The following KLHL29 variants were observed in gnomAD, a reference collection of about 807,000 sequenced individuals.
KLHL29 encodes kelch like family member 29.
In KLHL29, 21 loss-of-function variants were observed where a neutral mutation model predicts 80.4. That is an observed-to-expected ratio of 0.26 (90% CI 0.19 to 0.38). The LOEUF (loss-of-function observed/expected upper bound fraction) is 0.38, where lower values mean the gene tolerates loss of function less well. Among genes scored for constraint, KLHL29 ranks in the 10% least tolerant of loss-of-function variants. The pLI, the probability that KLHL29 is intolerant of heterozygous loss-of-function variation, is 1.00. For synonymous variants in KLHL29, 511 were observed against 526.8 expected, an observed-to-expected ratio of 0.97 and a Z score of 0.41; for missense variants, 867 against 1,223.9, an observed-to-expected ratio of 0.71 and a Z score of 4.35.
intron 3 of KLHL29, among the ~76,000 whole-genome samples, chr2:23,592,163 G>A (rs1283621740): frequency 2.0e-5 from 3 of 152,390 alleles, no homozygotes; most frequent in Admixed American, 2.0e-4. Context: ...TCAGTGGTTG[G>A]TGGCCCCAGC....
At chr2:23,605,122 T>A (rs1668673364) in intron 3 of KLHL29, among the ~76,000 whole-genome samples, 1 of 146,332 alleles carries the variant, frequency 6.8e-6, no homozygotes, top group African/African-American at 2.5e-5. Context: ...TTTTTTTTTT[T>A]TTTTTTTGGA....
chr2:23,597,734 C>T (rs1043270678), intron 3 of KLHL29, among the ~76,000 whole-genome samples: 6 of 152,020 alleles, frequency 3.9e-5, no homozygotes, highest in Non-Finnish European at 8.8e-5. Context: ...CCTGTTCACC[C>T]GTCTCTAAAA....
At chr2:23,538,716 A>C (rs892093142) in intron 2 of KLHL29, among the ~76,000 whole-genome samples, 7 of 152,170 alleles carry the variant, frequency 4.6e-5, no homozygotes, top group African/African-American at 1.7e-4. Context: ...TCTATTTCAG[A>C]ATAAGAGGTT....
chr2:23,692,434 C>T (rs1368294266), intron 7 of KLHL29, among the ~76,000 whole-genome samples: 2 of 152,214 alleles, frequency 1.3e-5, no homozygotes, highest in Admixed American at 6.5e-5. Flanking sequence ...CCCGCATGGG[C>T]GACGGCAAGG....
intron 1 of KLHL29, among the ~76,000 whole-genome samples, chr2:23,471,060 A>G (rs759780311): frequency 1.3e-5 from 2 of 152,188 alleles, no homozygotes; most frequent in Non-Finnish European, 2.9e-5. Flanking sequence ...GCAGAGTCCC[A>G]TATCTGGGCT....
chr2:23,429,385 G>A (rs552507578), intron 1 of KLHL29, among the ~76,000 whole-genome samples: 2 of 152,300 alleles, frequency 1.3e-5, no homozygotes, highest in East Asian at 3.9e-4. Flanking sequence ...ACAGAGCTTT[G>A]GTTGTGGGGG....
intron 3 of KLHL29, among the ~76,000 whole-genome samples, chr2:23,590,275 A>G (rs1274214599): frequency 3.0e-5 from 3 of 100,494 alleles, no homozygotes; most frequent in Admixed American, 2.8e-4. Flanking sequence ...AGAAGCACAC[A>G]TTCTGAAGTT....
At chr2:23,538,831 G>A (rs1451260480) in intron 2 of KLHL29, among the ~76,000 whole-genome samples, 1 of 152,204 alleles carries the variant, frequency 6.6e-6, no homozygotes, top group African/African-American at 2.4e-5. Context: ...AGAACAGAAG[G>A]CATCTCTGAG....
chr2:23,386,154 C>T (rs888344848), intron 1 of KLHL29, among the ~76,000 whole-genome samples: 2 of 151,962 alleles, frequency 1.3e-5, no homozygotes, highest in Admixed American at 6.5e-5. Context: ...CTCCAGGCCA[C>T]GTTCCCCTGA....
intron 3 of KLHL29, among the ~76,000 whole-genome samples, chr2:23,615,413 G>A (rs1013658937): frequency 3.3e-5 from 5 of 152,242 alleles, no homozygotes; most frequent in Non-Finnish European, 4.4e-5. Context: ...ACCCTGAGTC[G>A]TATCTCTGGG....
chr2:23,620,951 C>T (rs1297223058), intron 3 of KLHL29, among the ~76,000 whole-genome samples: 2 of 152,254 alleles, frequency 1.3e-5, no homozygotes, highest in African/African-American at 2.4e-5. Context: ...GGGATGACCC[C>T]GCATGGGAAG....
chr2:23,604,475 G>A lies in KLHL29; in HGVS notation c.286-34664G>A, dbSNP rs146187736. 2.4e-3 allele frequency among the ~76,000 whole-genome samples: 371 copies of A among 152,330 alleles called. 2 individuals are homozygous for A. Among genetic ancestry groups the A allele is most frequent in the East Asian group, 0.01 (54 of 5,170 alleles). ...TGCTAATAAATGGCCCCACTGGGACGCAAGTGTCACAGGGGGAGAGACTTG... is the reference window on the plus strand; with the variant it reads ...TGCTAATAAATGGCCCCACTGGGACACAAGTGTCACAGGGGGAGAGACTTG... On this transcript the variant is annotated intron_variant, in intron 3 of 13. Coordinates refer to ENST00000486442, the MANE Select transcript of KLHL29 (RefSeq NM_052920.2).
At chr2:23,654,697 G>GGGA (rs1553350614) in intron 5 of KLHL29, among the ~76,000 whole-genome samples, 1 of 93,078 alleles carries the variant, frequency 1.1e-5, no homozygotes, top group African/African-American at 4.4e-5. Flanking sequence ...AACAGAGGTT[G>GGGA]GGGGGGGGGG....
intron 3 of KLHL29, among the ~76,000 whole-genome samples, chr2:23,628,418 C>T (rs957756712): frequency 2.6e-5 from 4 of 152,104 alleles, no homozygotes; most frequent in East Asian, 3.9e-4. Context: ...CTGGCCAAGC[C>T]GTTGTAAAGA....
At chr2:23,646,170 T>C (rs540197190) in intron 5 of KLHL29, among the ~76,000 whole-genome samples, 2 of 152,298 alleles carry the variant, frequency 1.3e-5, no homozygotes, top group Non-Finnish European at 2.9e-5. Context: ...AAGACATTTG[T>C]CTCGTTGTTG....
At chr2:23,552,916 C>T (rs1276760382) in intron 2 of KLHL29, among the ~76,000 whole-genome samples, 1 of 152,064 alleles carries the variant, frequency 6.6e-6, no homozygotes, top group Admixed American at 6.5e-5. Flanking sequence ...CCCGTCATCA[C>T]ATCCAGCCAA....
At chr2:23,574,028 C>G (rs183384348) in intron 3 of KLHL29, among the ~76,000 whole-genome samples, 2 of 152,090 alleles carry the variant, frequency 1.3e-5, no homozygotes. Flanking sequence ...GCTGGTCCCT[C>G]GGTCGTTCTT....
At chr2:23,620,075 T>C (rs1669130593) in intron 3 of KLHL29, among the ~76,000 whole-genome samples, 1 of 152,074 alleles carries the variant, frequency 6.6e-6, no homozygotes. Flanking sequence ...GCCACTGAGC[T>C]GAGTCCCTGA....
chr2:23,506,795 G>A (rs753533232), intron 2 of KLHL29, among the ~76,000 whole-genome samples: 3 of 152,144 alleles, frequency 2.0e-5, no homozygotes, highest in Non-Finnish European at 4.4e-5. Flanking sequence ...AAGCTCCCAG[G>A]AGTGCAAACC....
Sources: allele counts gnomAD v4.1 joint callset (sites outside exome capture counted in the v4.1 genomes callset), GRCh38; gene constraint gnomAD v4.1.1; transcripts MANE v1.5; gene names NCBI Gene and HGNC (gene_info 2026-07-23, HGNC 2026-07-21).